GPM6A: variants seen among roughly 807,000 people sequenced by gnomAD.
GPM6A encodes neuronal membrane glycoprotein M6-a.
In GPM6A, 7 loss-of-function variants were observed where a neutral mutation model predicts 32.1. That is an observed-to-expected ratio of 0.22 (90% CI 0.12 to 0.41). The LOEUF is 0.41. Ranked by LOEUF, GPM6A falls within the 10% of genes least tolerant of loss-of-function variation. The probability of loss-of-function intolerance (pLI) is 1.00; values close to 1 mark genes in which losing one functional copy is unlikely to be tolerated. For missense variants in GPM6A, 235 were observed against 347.2 expected, an observed-to-expected ratio of 0.68 and a Z score of 2.57; for synonymous variants, 130 against 123.4, an observed-to-expected ratio of 1.05 and a Z score of -0.35.
chr4:175,666,516 A>G (rs1291501465), intron 3 of GPM6A, among the ~76,000 whole-genome samples: 1 of 152,094 alleles, frequency 6.6e-6, no homozygotes, highest in Non-Finnish European at 1.5e-5. Context: ...TTGCATAAAG[A>G]TTTTTCCCAG....
At chr4:175,635,553 T>C (rs1378732981) in intron 6 of GPM6A, among the ~76,000 whole-genome samples, 1 of 152,164 alleles carries the variant, frequency 6.6e-6, no homozygotes, top group Non-Finnish European at 1.5e-5. Context: ...TTGCATATGA[T>C]GAATTTTGTA....
intron 1 of GPM6A, among the ~76,000 whole-genome samples, chr4:175,829,882 T>C (rs1474545951): frequency 6.6e-6 from 1 of 151,898 alleles, no homozygotes; most frequent in Non-Finnish European, 1.5e-5. Flanking sequence ...CTGCCACAAA[T>C]AGTTTTATGT....
intron 1 of GPM6A, among the ~76,000 whole-genome samples, chr4:175,756,698 C>G (rs903862739): frequency 6.6e-6 from 1 of 151,990 alleles, no homozygotes; most frequent in Non-Finnish European, 1.5e-5. Context: ...GGTATATGAA[C>G]TTATAAAACA....
rs191867728 is a variant in GPM6A at position 175,745,079 on chromosome 4, A to C, written c.38-43312T>G. Among the ~76,000 whole-genome samples, 8 of 145,114 alleles carry C rather than the reference A, an allele frequency of 5.5e-5. No individual in the cohort carries two copies. The East Asian group carries it at 1.7e-3, about 30-fold the overall frequency. On this transcript the variant is annotated intron_variant, in intron 1 of 6. Transcript: ENST00000393658. ...TGTCTTATCTACTGCAGGAGCCATA[A>C]AGATGAAGATAAGAAAGAAATACTC...
intron 1 of GPM6A, among the ~76,000 whole-genome samples, chr4:175,725,809 C>T (rs1027883152): frequency 6.6e-6 from 1 of 151,938 alleles, no homozygotes; most frequent in African/African-American, 2.4e-5. Context: ...TGCTATTTTG[C>T]ATTTTAATAA....
At chr4:175,814,965 C>G (rs1735053399), upstream of GPM6A, among the ~76,000 whole-genome samples, 1 of 152,178 alleles carries the variant, frequency 6.6e-6, no homozygotes, top group Non-Finnish European at 1.5e-5. Context: ...AAAACGCACT[C>G]CTCCTTTCCC....
rs549047627 is a variant in GPM6A, at chr4:175,905,797, G to A, written c.-22-93548C>T. On this transcript the variant is annotated intron_variant, in intron 1 of 7. Coordinates refer to the GPM6A transcript ENST00000280187. The stretch of plus-strand genomic sequence containing the variant: ...CTAAGAATGCTAATTTTGGAAAACC[G>A]CCGATGTTCATGCTTTCCTTTAATT... Among the ~76,000 whole-genome samples the A allele has an allele frequency of 5.3e-5, 8 of 152,108 alleles. No homozygotes were observed. The South Asian group carries it at 1.2e-3, about 24-fold the overall frequency.
At chr4:175,902,295 GTGAT>G (rs937143555) in intron 1 of GPM6A, among the ~76,000 whole-genome samples, 49 of 152,182 alleles carry the variant, frequency 3.2e-4, no homozygotes, top group African/African-American at 1.2e-3. Context: ...TAGGTAGTTA[GTGAT>G]GGTAAGAGAT....
chr4:175,774,773 T>C (rs1006654708), intron 1 of GPM6A, among the ~76,000 whole-genome samples: 4 of 152,116 alleles, frequency 2.6e-5, no homozygotes, highest in African/African-American at 9.7e-5. Context: ...CATGGCTGTC[T>C]AATGAAGGAC....
chr4:175,913,602 C>T lies in GPM6A; in HGVS notation c.-23+88707G>A, dbSNP rs186331885. Among the ~76,000 whole-genome samples the T allele has an allele frequency of 7.2e-4, 110 of 152,294 alleles. 1 individual carries two copies. The highest frequency in any genetic ancestry group is 3.4e-3 in the Middle Eastern group (1 of 294). ...CCACTACTCATCCACCTATTCAATC[C>T]GGCCACATCAGCGAATTTGCTTCTC... On this transcript the variant is annotated intron_variant, in intron 1 of 7. Coordinates refer to the GPM6A transcript ENST00000280187.
In GPM6A at chr4:175,644,126, T is replaced by TTC. The variant is rs1741315417; in HGVS notation, c.542-3298_542-3297insGA. Among the ~76,000 whole-genome samples the TTC allele has an allele frequency of 2.7e-5, 4 of 148,090 alleles. No homozygotes were observed. The South Asian group carries it at 8.8e-4, about 33-fold the overall frequency. Reference sequence around the variant, plus strand: ...GCTCTAAAACTTTTCCGTTTGTTTTTTTTTTTTTTTTTTTTGAGATGGAGT... The same window carrying TTC: ...GCTCTAAAACTTTTCCGTTTGTTTTTTCTTTTTTTTTTTTTTTGAGATGGAGT... On this transcript the variant is annotated intron_variant, in intron 4 of 6. Coordinates refer to ENST00000393658, the MANE Select transcript of GPM6A (RefSeq NM_201591.3).
At chr4:175,989,851 A>T (rs1451360283) in intron 1 of GPM6A, among the ~76,000 whole-genome samples, 2 of 152,180 alleles carry the variant, frequency 1.3e-5, no homozygotes, top group Non-Finnish European at 2.9e-5. Flanking sequence ...AGTGAAACCA[A>T]CTGAATAATC....
intron 1 of GPM6A, among the ~76,000 whole-genome samples, chr4:175,975,146 A>T (rs1296893825): frequency 6.6e-6 from 1 of 152,238 alleles, no homozygotes; most frequent in African/African-American, 2.4e-5. Flanking sequence ...GGCTCTGAGC[A>T]GCAGCCTCTC....
chr4:175,970,792 T>C (rs1436169669), intron 1 of GPM6A: 2 of 432,966 alleles, frequency 4.6e-6, no homozygotes, highest in Admixed American at 5.6e-5. Context: ...CAAGATTTTA[T>C]TTTTCTTTGT....
chr4:175,970,573 G>C (rs749279647), intron 1 of GPM6A, among the ~76,000 whole-genome samples: 3 of 152,188 alleles, frequency 2.0e-5, no homozygotes, highest in Admixed American at 6.5e-5. Context: ...GTCTTTGGAA[G>C]ACAAATTCTT....
chr4:175,767,609 C>T (rs981825589), intron 1 of GPM6A, among the ~76,000 whole-genome samples: 8 of 152,222 alleles, frequency 5.3e-5, no homozygotes, highest in Non-Finnish European at 2.9e-5. Flanking sequence ...AAAGTAACTA[C>T]ACACCAATTG....
At chr4:175,653,074 C>T (rs1741893495) in intron 3 of GPM6A, among the ~76,000 whole-genome samples, 1 of 152,046 alleles carries the variant, frequency 6.6e-6, no homozygotes, top group African/African-American at 2.4e-5. Flanking sequence ...AGATTTTACC[C>T]CACGATTTAG....
chr4:175,769,381 A>G (rs1312884843), intron 1 of GPM6A, among the ~76,000 whole-genome samples: 3 of 152,334 alleles, frequency 2.0e-5, no homozygotes, highest in South Asian at 2.1e-4. Context: ...CAATTCTAGG[A>G]TGTATAATTG....
chr4:175,690,656 CCTT>C (rs1744245306), intron 2 of GPM6A, among the ~76,000 whole-genome samples: 1 of 152,156 alleles, frequency 6.6e-6, no homozygotes, highest in Admixed American at 6.5e-5. Context: ...AGTAACACTG[CCTT>C]CTTCTCTGGT....
Sources: gnomAD v4.1 joint callset for allele counts (sites outside exome capture counted in the v4.1 genomes callset) on GRCh38, gnomAD v4.1.1 for gene constraint, MANE v1.5 for transcripts, NCBI Gene and HGNC (gene_info 2026-07-23, HGNC 2026-07-21) for gene names.